FBLN2: variants seen among roughly 807,000 people sequenced by gnomAD.
The protein encoded by FBLN2 is fibulin-2.
FBLN2 carries 81 observed loss-of-function variants against 123.7 expected under a neutral mutation model. That is an observed-to-expected ratio of 0.65 (90% confidence interval 0.55 to 0.79). The LOEUF (loss-of-function observed/expected upper bound fraction) is 0.79, where lower values mean the gene tolerates loss of function less well. FBLN2 is among the 30% of genes least tolerant of loss of function. FBLN2 has a pLI of 0.00. For synonymous variants in FBLN2, 699 were observed against 701.4 expected, an observed-to-expected ratio of 1.00 and a Z score of 0.05; for missense variants, 1,603 against 1,681.3, an observed-to-expected ratio of 0.95 and a Z score of 0.81.
At chr3:13,597,143 G>A (rs1409227119) in intron 2 of FBLN2, among the ~76,000 whole-genome samples, 1 of 152,070 alleles carries the variant, frequency 6.6e-6, no homozygotes, top group Non-Finnish European at 1.5e-5. Flanking sequence ...TGTTTCCCAG[G>A]CTGGTCTTGA....
At chr3:13,613,773 A>G (rs1261287976) in intron 4 of FBLN2, 8 of 492,988 alleles carry the variant, frequency 1.6e-5, no homozygotes, top group South Asian at 4.3e-5. Flanking sequence ...AAGGCCATTT[A>G]CTTGTTATCT....
In FBLN2 at chr3:13,629,308, G is replaced by A; in HGVS notation, c.2842+16G>A. 1 of 1,598,334 alleles carries A rather than the reference G, an allele frequency of 6.3e-7. No homozygotes were observed. Among genetic ancestry groups the A allele is most frequent in the Non-Finnish European group, 8.5e-7 (1 of 1,173,686 alleles). ...GGCTGCATCGGTAGGTAGGCTGGTGGCCAGGACCCCTGGGGAACACCTGGC... is the reference window on the plus strand; with the variant it reads ...GGCTGCATCGGTAGGTAGGCTGGTGACCAGGACCCCTGGGGAACACCTGGC... On this transcript the variant is annotated intron_variant, in intron 13 of 17. Coordinates refer to ENST00000404922, the MANE Select transcript of FBLN2 (RefSeq NM_001004019.2).
At chr3:13,620,003 C>T (rs749333548) in intron 8 of FBLN2, among the ~76,000 whole-genome samples, 172 bp downstream of exon 8, 4 of 152,152 alleles carry the variant, frequency 2.6e-5, no homozygotes, top group Non-Finnish European at 5.9e-5. Flanking sequence ...TCCCTCTCAC[C>T]GTACGTGCGG....
At position 13,571,633 on chromosome 3, in the gene FBLN2, C is replaced by T. The variant is rs1480800859; in HGVS notation, c.1278C>T (p.Val426=). Reference sequence around the variant, plus strand: ...AGGAGGACACAGACCCCAACTCTGTCCATTCTATCCCCAGAAGTAGCCCTG... The same window carrying T: ...AGGAGGACACAGACCCCAACTCTGTTCATTCTATCCCCAGAAGTAGCCCTG... The part of the protein sequence containing the change: ...HVEEDTDPNS[V]HSIPRSSPEG... Residue 426 remains valine (V), a synonymous_variant, in exon 2 of 18, where the codon GTC becomes GTT. Coordinates refer to ENST00000404922, the MANE Select transcript of FBLN2 (RefSeq NM_001004019.2). 1 of 1,604,948 alleles carries T rather than the reference C, an allele frequency of 6.2e-7. No homozygotes were observed. Among genetic ancestry groups the T allele is most frequent in the African/African-American group, 1.3e-5 (1 of 74,908 alleles).
chr3:13,562,715 G>A (rs550987966), intron 1 of FBLN2, among the ~76,000 whole-genome samples: 12 of 152,294 alleles, frequency 7.9e-5, no homozygotes, highest in Non-Finnish European at 1.8e-4. Flanking sequence ...TTGTGCAGCC[G>A]TTACCACTAT....
At chr3:13,604,512 T>G (rs1705141478) in intron 2 of FBLN2, among the ~76,000 whole-genome samples, 1 of 152,254 alleles carries the variant, frequency 6.6e-6, no homozygotes, top group Non-Finnish European at 1.5e-5. Context: ...ATTTCTTGTT[T>G]TTGTCAGGTT....
intron 1 of FBLN2, among the ~76,000 whole-genome samples, chr3:13,551,512 C>A (rs955604828): frequency 6.6e-6 from 1 of 152,176 alleles, no homozygotes; most frequent in Non-Finnish European, 1.5e-5. Flanking sequence ...GGCCTCCCAG[C>A]AGGCAAGGGG....
intron 6 of FBLN2, 38 bp downstream of exon 6, chr3:13,618,323 G>C: frequency 6.2e-7 from 1 of 1,602,482 alleles, no homozygotes; most frequent in Non-Finnish European, 8.5e-7. Flanking sequence ...GCTATGGGAA[G>C]GGCTGATCTT....
intron 8 of FBLN2, among the ~76,000 whole-genome samples, chr3:13,620,316 G>A (rs1275376544): frequency 1.3e-5 from 2 of 152,214 alleles, no homozygotes; most frequent in Middle Eastern, 3.2e-3. Flanking sequence ...CCTGGTCTGT[G>A]CAGCCATGTC....
chr3:13,582,282 C>T (rs1266376797), intron 2 of FBLN2, among the ~76,000 whole-genome samples: 2 of 152,206 alleles, frequency 1.3e-5, no homozygotes, highest in African/African-American at 4.8e-5. Flanking sequence ...TGAACCATGC[C>T]TAGGAGTCCT....
chr3:13,637,445 G>A (rs1313665926), intron 17 of FBLN2, 117 bp from the exon 18 acceptor site: 17 of 937,756 alleles, frequency 1.8e-5, no homozygotes, highest in Admixed American at 5.6e-5. Flanking sequence ...GAGGCTTCCC[G>A]GCCATTAGGG....
intron 3 of FBLN2, 142 bp downstream of exon 3, chr3:13,608,315 TGCCGTGC>T: frequency 1.5e-6 from 1 of 645,752 alleles, no homozygotes. Context: ...TGGGTGTGGC[TGCCGTGC>T]GCCATCTGGC....
chr3:13,553,783 G>T (rs541865319), intron 1 of FBLN2, among the ~76,000 whole-genome samples: 1 of 152,328 alleles, frequency 6.6e-6, no homozygotes, highest in East Asian at 1.9e-4. Context: ...TGGTGAGGAA[G>T]TGGTGCCACC....
intron 2 of FBLN2, among the ~76,000 whole-genome samples, chr3:13,600,958 G>A (rs1272799745): frequency 2.6e-5 from 4 of 152,194 alleles, no homozygotes; most frequent in African/African-American, 7.2e-5. Context: ...AAATTGTGAC[G>A]TGTATGTGAT....
At position 13,619,714 on chromosome 3, in the gene FBLN2, G is replaced by C; in HGVS notation, c.2054-16G>C. On this transcript the variant is annotated splice_polypyrimidine_tract_variant and intron_variant, in intron 7 of 17. Coordinates refer to ENST00000404922, the MANE Select transcript of FBLN2 (RefSeq NM_001004019.2). ...CAGGGCCTGGTGGTCTCTGATTTCT[G>C]TGTGGTTTCCTCCAGACAATGGACC... is the stretch of plus-strand genomic sequence containing the variant. 1 of 1,610,394 alleles carries C rather than the reference G, an allele frequency of 6.2e-7. No individual in the cohort carries two copies. Among genetic ancestry groups the C allele is most frequent in the Middle Eastern group, 1.7e-4 (1 of 6,054 alleles).
intron 9 of FBLN2, 28 bp from the exon 10 acceptor site, chr3:13,626,417 G>A (rs371894519): frequency 9.7e-5 from 150 of 1,548,914 alleles, no homozygotes; most frequent in Non-Finnish European, 1.3e-4. Flanking sequence ...GGACTCTGCA[G>A]CCTCTGATGG....
At chr3:13,574,862 C>T (rs1222882862) in intron 2 of FBLN2, among the ~76,000 whole-genome samples, 1 of 152,190 alleles carries the variant, frequency 6.6e-6, no homozygotes, top group Non-Finnish European at 1.5e-5. Flanking sequence ...CGATCCCCCA[C>T]CCGCTGGGCT....
chr3:13,636,398 G>T (rs1015245080), intron 16 of FBLN2, 47 bp from the exon 17 acceptor site: 1 of 1,603,430 alleles, frequency 6.2e-7, no homozygotes, highest in African/African-American at 1.3e-5. Context: ...TTTCAGGCTG[G>T]GTCCCCCAGC....
intron 1 of FBLN2, among the ~76,000 whole-genome samples, chr3:13,568,358 G>A (rs1703811966): frequency 6.6e-6 from 1 of 152,196 alleles, no homozygotes; most frequent in South Asian, 2.1e-4. Context: ...CTTCAAAATA[G>A]ATCCCCTGTG....
Sources: allele counts gnomAD v4.1 joint callset (sites outside exome capture counted in the v4.1 genomes callset), GRCh38; gene constraint gnomAD v4.1.1; transcripts MANE v1.5; gene names NCBI Gene and HGNC (gene_info 2026-07-23, HGNC 2026-07-21).